The following PAX8 variants were observed in gnomAD, a reference collection of about 807,000 sequenced individuals.
PAX8 encodes the protein paired box 8, also known as paired box protein Pax-8.
In PAX8, 15 loss-of-function variants were observed where a neutral mutation model predicts 52.4. The ratio of observed to expected loss-of-function variants is 0.29; its 90% CI spans 0.19 to 0.44. PAX8 has a LOEUF of 0.44. PAX8 is among the 20% of genes least tolerant of loss of function. PAX8 has a pLI of 1.00. For synonymous variants in PAX8, 284 were observed against 249.7 expected (o/e 1.14, Z -1.29); for missense variants, 554 against 602.5 (o/e 0.92, Z 0.84).
chr2:113,240,619 T>TC (rs1491433069), intron 7 of PAX8: 1 of 152,220 alleles, frequency 6.6e-6, no homozygotes, highest in East Asian at 1.9e-4. Context: ...ACCTCTCACA[T>TC]CTCTGTCAGC....
intron 2 of PAX8, chr2:113,268,975 C>T (rs550303386): frequency 1.2e-4 from 19 of 152,364 alleles, no homozygotes; most frequent in African/African-American, 4.1e-4. Context: ...GGCCATGGGC[C>T]ATGGGGACCT....
At chr2:113,262,557 G>T (rs969094246) in intron 2 of PAX8, among the ~76,000 whole-genome samples, 1 of 152,298 alleles carries the variant, frequency 6.6e-6, no homozygotes, top group African/African-American at 2.4e-5. Context: ...CAATACTTAG[G>T]TGTTATGAAT....
intron 7 of PAX8, chr2:113,238,964 G>T (rs921595010): frequency 1.5e-4 from 22 of 151,208 alleles, no homozygotes; most frequent in African/African-American, 5.1e-4. Flanking sequence ...TGATGCATTT[G>T]TAAAATAGGG....
intron 2 of PAX8, among the ~76,000 whole-genome samples, chr2:113,256,804 T>G (rs1692300358): frequency 6.6e-6 from 1 of 152,180 alleles, no homozygotes; most frequent in African/African-American, 2.4e-5. Flanking sequence ...GCTTCACCTC[T>G]GACTAACTTA....
chr2:113,251,764 C>T (rs1051770359), intron 2 of PAX8, among the ~76,000 whole-genome samples: 1 of 152,188 alleles, frequency 6.6e-6, no homozygotes, highest in Non-Finnish European at 1.5e-5. Context: ...GACCAAAATT[C>T]TTGTTATATG....
At chr2:113,232,081 C>A (rs893656075) in intron 9 of PAX8, among the ~76,000 whole-genome samples, 1 of 152,164 alleles carries the variant, frequency 6.6e-6, no homozygotes, top group African/African-American at 2.4e-5. Context: ...CAGCCTCCTG[C>A]GCTCCTGGAA....
chr2:113,239,718 G>A (rs1427846939), intron 7 of PAX8: 1 of 152,174 alleles, frequency 6.6e-6, no homozygotes, highest in Non-Finnish European at 1.5e-5. Context: ...GAAGTTTAAT[G>A]GTTTTCAAAT....
chr2:113,241,266 A>G (rs1690813811), intron 7 of PAX8: 3 of 551,072 alleles, frequency 5.4e-6, no homozygotes, highest in Non-Finnish European at 3.3e-6. Context: ...AATCTGGGAA[A>G]GACGCTGATG....
rs1219464400 is a variant in PAX8 at position 113,242,653 on chromosome 2, C to A, written c.478+37G>T. 4 of 1,404,930 alleles carry A rather than the reference C, an allele frequency of 2.8e-6. 1 individual carries two copies. In the South Asian group the frequency reaches 4.6e-5, roughly 16 times the overall value. 87.0% of individuals were successfully genotyped at this position (1,404,930 alleles called of 1,614,324 possible). Reference sequence around the variant, plus strand: ...GGGTATGCTGAAGGGGAGGTGTACACGAGCATGTGTGTGTATCCAGGTCTC... The same window carrying A: ...GGGTATGCTGAAGGGGAGGTGTACAAGAGCATGTGTGTGTATCCAGGTCTC... On this transcript the variant is annotated intron_variant, in intron 5 of 11. Coordinates refer to ENST00000429538, the MANE Select transcript of PAX8 (RefSeq NM_003466.4).
intron 3 of PAX8, among the ~76,000 whole-genome samples, chr2:113,246,107 C>T (rs1691300551): frequency 6.6e-6 from 1 of 152,234 alleles, no homozygotes; most frequent in South Asian, 2.1e-4. Context: ...CAGTGGTTCT[C>T]AACCCTGGCT....
At chr2:113,223,708 A>T (rs1321217634) in intron 10 of PAX8, among the ~76,000 whole-genome samples, 1 of 152,148 alleles carries the variant, frequency 6.6e-6, no homozygotes, top group Non-Finnish European at 1.5e-5. Flanking sequence ...TTATTACATC[A>T]TCCCATTTTA....
At chr2:113,230,740 T>G (rs1338391804) in intron 9 of PAX8, 3 of 152,246 alleles carry the variant, frequency 2.0e-5, no homozygotes, top group Non-Finnish European at 4.4e-5. Context: ...CCAAGAAGCT[T>G]GCAAGCCTTC....
rs914929209 is a variant in PAX8, at chr2:113,218,068, G to A, written c.*465C>T. 1.1e-4 allele frequency: 26 copies of A among 234,278 alleles called. No homozygotes were observed. The highest frequency in any genetic ancestry group is 2.5e-3 in the Middle Eastern group (2 of 814). The allele number at this position is 234,278 out of a possible 1,614,324, so 14.5% of individuals were successfully genotyped here. ...CTGGGTGGCTGGTGAGGAGAGCCTCGGCACCAGGCTGTGACTTGTGGGCTG... is the reference window on the plus strand; with the variant it reads ...CTGGGTGGCTGGTGAGGAGAGCCTCAGCACCAGGCTGTGACTTGTGGGCTG... On this transcript the variant is annotated 3_prime_UTR_variant, in exon 12 of 12. Transcript: ENST00000429538.
At chr2:113,241,815 C>G (rs771316614) in intron 6 of PAX8, 89 bp from the exon 7 acceptor site, 1 of 1,537,368 alleles carries the variant, frequency 6.5e-7, no homozygotes, top group Non-Finnish European at 9.0e-7. Context: ...CAAGCTGACT[C>G]ACTGTGGAGG....
intron 2 of PAX8, 36 bp downstream of exon 2, chr2:113,278,334 G>C (rs759552011): frequency 1.3e-6 from 2 of 1,487,662 alleles, no homozygotes; most frequent in East Asian, 2.3e-5. Context: ...TCAGCGGCGC[G>C]GGGGCTCGGG....
At chr2:113,272,369 A>G (rs541922315) in intron 2 of PAX8, 3 of 152,188 alleles carry the variant, frequency 2.0e-5, no homozygotes, top group East Asian at 1.9e-4. Context: ...TTGTATTTCT[A>G]TCTGGCCAAC....
intron 2 of PAX8, 146 bp from the exon 3 acceptor site, chr2:113,247,065 C>T: frequency 4.0e-6 from 3 of 754,018 alleles, no homozygotes; most frequent in South Asian, 1.5e-5. Context: ...GGCCCCTCTG[C>T]ACCCCTTCCC....
chr2:113,217,529 C>T lies in PAX8; in HGVS notation c.*1004G>A. The T allele has an allele frequency of 4.3e-6, 1 of 230,614 alleles. No homozygotes were observed. The highest frequency in any genetic ancestry group is 8.6e-6 in the Non-Finnish European group (1 of 116,210). The allele number at this position is 230,614 out of a possible 1,614,324, so 14.3% of individuals were successfully genotyped here. A position where few individuals can be genotyped will look rare whatever the true frequency, so the allele number is the denominator to read the frequency against. Reference sequence around the variant, plus strand: ...CTTGACCCAAACAAAGTTTCATTTACAGTATATACAGTCAGGCCTTGGGGG... The same window carrying T: ...CTTGACCCAAACAAAGTTTCATTTATAGTATATACAGTCAGGCCTTGGGGG... On this transcript the variant is annotated 3_prime_UTR_variant, in exon 12 of 12. Transcript: ENST00000429538.
At chr2:113,235,702 C>T (rs1690233219) in intron 8 of PAX8, 120 bp from the exon 9 acceptor site, 2 of 756,696 alleles carry the variant, frequency 2.6e-6, no homozygotes, top group Non-Finnish European at 4.2e-6. Context: ...GCTCAGCTGC[C>T]CTCAGAGTCT....
Sources: gnomAD v4.1 joint callset for allele counts (sites outside exome capture counted in the v4.1 genomes callset) on GRCh38, gnomAD v4.1.1 for gene constraint, MANE v1.5 for transcripts, NCBI Gene and HGNC (gene_info 2026-07-23, HGNC 2026-07-21) for gene names.